Variants in SMAP1 observed in about 807,000 individuals in gnomAD.
SMAP1 encodes the protein stromal membrane-associated protein 1.
A neutral mutation model predicts 58.5 loss-of-function variants in SMAP1; 24 were observed. The observed-to-expected ratio is 0.41, with a 90% CI of 0.30 to 0.58. The LOEUF (loss-of-function observed/expected upper bound fraction) is 0.58, where lower values mean the gene tolerates loss of function less well. Ranked by LOEUF, SMAP1 falls within the 20% of genes least tolerant of loss-of-function variation. The pLI is 0.29. For synonymous variants in SMAP1, 216 were observed against 196.6 expected (o/e 1.10, Z -0.82); for missense variants, 563 against 566.3 (o/e 0.99, Z 0.06).
At chr6:70,857,091 A>G (rs2280421) in intron 9 of SMAP1, 61 bp downstream of exon 9, 3 of 1,442,732 alleles carry the variant, frequency 2.1e-6, no homozygotes, top group Non-Finnish European at 2.8e-6. Context: ...TTGTAATTAT[A>G]TAATAAGATC....
chr6:70,821,935 T>C (rs1422900908), intron 6 of SMAP1, among the ~76,000 whole-genome samples: 1 of 152,144 alleles, frequency 6.6e-6, no homozygotes, highest in East Asian at 1.9e-4. Context: ...TTCTAAAATG[T>C]TTTTGCAATC....
At chr6:70,742,829 A>T (rs1765872162) in intron 2 of SMAP1, among the ~76,000 whole-genome samples, 1 of 152,214 alleles carries the variant, frequency 6.6e-6, no homozygotes, top group Non-Finnish European at 1.5e-5. Context: ...GGTGAAAGGC[A>T]CGTCTCACAT....
At chr6:70,727,097 G>A (rs576560692) in intron 1 of SMAP1, among the ~76,000 whole-genome samples, 1 of 151,844 alleles carries the variant, frequency 6.6e-6, no homozygotes, top group Admixed American at 6.6e-5. Flanking sequence ...TGTAACTTGA[G>A]GTCTTTTTTT....
At chr6:70,775,075 G>T (rs1767493480) in intron 4 of SMAP1, among the ~76,000 whole-genome samples, 1 of 151,922 alleles carries the variant, frequency 6.6e-6, no homozygotes, top group African/African-American at 2.4e-5. Context: ...AGATATCCTT[G>T]TGTGTAGCAT....
chr6:70,795,486 T>C (rs1562167335), intron 5 of SMAP1, among the ~76,000 whole-genome samples: 1 of 152,184 alleles, frequency 6.6e-6, no homozygotes, highest in Non-Finnish European at 1.5e-5. Flanking sequence ...ACGATACATC[T>C]TTGTGCCCTC....
chr6:70,677,040 C>G (rs960918684), intron 1 of SMAP1, among the ~76,000 whole-genome samples: 7 of 152,068 alleles, frequency 4.6e-5, no homozygotes, highest in African/African-American at 1.7e-4. Context: ...ATCCTCTTGC[C>G]TAGGCCTCCT....
At chr6:70,820,051 T>A (rs1460890472) in intron 6 of SMAP1, among the ~76,000 whole-genome samples, 1 of 152,202 alleles carries the variant, frequency 6.6e-6, no homozygotes, top group Admixed American at 6.5e-5. Flanking sequence ...GCCTGACTAA[T>A]CTTATGGATT....
chr6:70,677,351 T>C (rs962530964), intron 1 of SMAP1, among the ~76,000 whole-genome samples: 5 of 151,148 alleles, frequency 3.3e-5, no homozygotes, highest in Admixed American at 3.3e-4. Flanking sequence ...GTTGTCCTTG[T>C]TCTCTTTAAT....
chr6:70,696,471 T>A (rs901817177), intron 1 of SMAP1, among the ~76,000 whole-genome samples: 1 of 152,228 alleles, frequency 6.6e-6, no homozygotes, highest in African/African-American at 2.4e-5. Context: ...TCAAGACATT[T>A]AAAATTTCCT....
rs1771359841 is a variant in SMAP1, at chr6:70,855,146, T to C, written c.790-1713T>C. Among the ~76,000 whole-genome samples the C allele has an allele frequency of 2.0e-5, 3 of 149,878 alleles. No individual in the cohort carries two copies. The South Asian group carries it at 6.3e-4, about 32-fold the overall frequency. On this transcript the variant is annotated intron_variant, in intron 8 of 10. Transcript: ENST00000370455. ...CTAGACATACACAAGGGCTAAGTCC[T>C]GTTTTTTCTTGGTTAAGCCCTTGGG...
At chr6:70,802,640 G>T (rs897209466) in intron 6 of SMAP1, among the ~76,000 whole-genome samples, 16 of 152,110 alleles carry the variant, frequency 1.1e-4, no homozygotes, top group Non-Finnish European at 1.9e-4. Flanking sequence ...TTGGCTGTGG[G>T]TTTGTCATAA....
intron 7 of SMAP1, among the ~76,000 whole-genome samples, chr6:70,849,876 G>T (rs1771121427): frequency 6.6e-6 from 1 of 152,132 alleles, no homozygotes; most frequent in Non-Finnish European, 1.5e-5. Flanking sequence ...TCTTTTACAA[G>T]AATGTGTTGC....
At chr6:70,774,675 T>TCTCC (rs148989949) in intron 4 of SMAP1, among the ~76,000 whole-genome samples, 1,813 of 151,396 alleles carry the variant, frequency 0.012, 10 homozygotes, top group Non-Finnish European at 0.02. Flanking sequence ...ACCCAGGAGT[T>TCTCC]CAAGACCAGG....
chr6:70,668,224 GCGGA>G, intron 1 of SMAP1, 83 bp downstream of exon 1: 1 of 1,284,168 alleles, frequency 7.8e-7, no homozygotes, highest in Non-Finnish European at 1.1e-6. Flanking sequence ...CGGGGCCCGA[GCGGA>G]CGCCTCGGCT....
intron 6 of SMAP1, among the ~76,000 whole-genome samples, chr6:70,826,616 C>A (rs1281707736): frequency 2.0e-5 from 3 of 151,854 alleles, no homozygotes; most frequent in Non-Finnish European, 4.4e-5. Flanking sequence ...ATTAGCTGGG[C>A]GTGGTGGCTT....
intron 4 of SMAP1, among the ~76,000 whole-genome samples, chr6:70,779,710 C>T (rs1401505127): frequency 1.3e-5 from 2 of 152,110 alleles, no homozygotes; most frequent in African/African-American, 4.8e-5. Context: ...TACTGTTCTC[C>T]CCTAGTGCTC....
At chr6:70,736,789 C>T (rs555501405) in intron 2 of SMAP1, among the ~76,000 whole-genome samples, 22 of 152,244 alleles carry the variant, frequency 1.4e-4, no homozygotes, top group East Asian at 1.9e-4. Flanking sequence ...TTCATTTCTC[C>T]GACAAGTCCA....
Position 70,814,274 on chromosome 6 carries a change from A to G in SMAP1, c.576+15537A>G, listed in dbSNP as rs1205298256. Among the ~76,000 whole-genome samples, 6 of 152,164 alleles carry G rather than the reference A, an allele frequency of 3.9e-5. No individual in the cohort carries two copies. In the East Asian group the frequency reaches 1.2e-3, roughly 29 times the overall value. On this transcript the variant is annotated intron_variant, in intron 6 of 10. Coordinates refer to ENST00000370455, the MANE Select transcript of SMAP1 (RefSeq NM_001044305.3). ...GAAGAAATAGAGACTCTCTCTTTTG[A>G]TAGCAATGATAATTGAGATATTGCA...
intron 5 of SMAP1, among the ~76,000 whole-genome samples, chr6:70,794,029 G>A (rs1011029809): frequency 6.6e-6 from 1 of 152,060 alleles, no homozygotes; most frequent in African/African-American, 2.4e-5. Context: ...CACTGTGCCC[G>A]GCCCTATGTC....
Sources: gnomAD v4.1 joint callset for allele counts (sites outside exome capture counted in the v4.1 genomes callset) on GRCh38, gnomAD v4.1.1 for gene constraint, MANE v1.5 for transcripts, NCBI Gene and HGNC (gene_info 2026-07-23, HGNC 2026-07-21) for gene names.